The following CLSTN2 variants were observed in gnomAD, a reference collection of about 807,000 sequenced individuals.
The protein encoded by CLSTN2 is calsyntenin 2.
In CLSTN2, 48 loss-of-function variants were observed where a neutral mutation model predicts 101.2. The ratio of observed to expected loss-of-function variants is 0.47; its 90% CI spans 0.38 to 0.60. The LOEUF is 0.60. Among genes scored for constraint, CLSTN2 ranks in the 20% least tolerant of loss-of-function variants. The pLI is 0.00. For synonymous variants in CLSTN2, 481 were observed against 463.6 expected (o/e 1.04, Z -0.48); for missense variants, 1,160 against 1,238.2 (o/e 0.94, Z 0.95).
intron 2 of CLSTN2, among the ~76,000 whole-genome samples, chr3:140,342,913 G>T (rs1004567139): frequency 6.6e-6 from 1 of 152,148 alleles, no homozygotes; most frequent in African/African-American, 2.4e-5. Flanking sequence ...GGCCCCAAAG[G>T]CTAGTATCAC....
intron 2 of CLSTN2, among the ~76,000 whole-genome samples, chr3:140,291,832 C>T (rs1216952933): frequency 6.6e-6 from 1 of 151,970 alleles, no homozygotes; most frequent in Non-Finnish European, 1.5e-5. Context: ...TCAGAATCAG[C>T]CTTGATTCCT....
At chr3:139,974,365 C>T (rs943253970) in intron 1 of CLSTN2, among the ~76,000 whole-genome samples, 33 of 152,180 alleles carry the variant, frequency 2.2e-4, no homozygotes, top group African/African-American at 7.2e-4. Context: ...ATAAGAATCT[C>T]TCTCTGTACT....
intron 1 of CLSTN2, among the ~76,000 whole-genome samples, chr3:140,141,551 G>C (rs1339281037): frequency 1.3e-5 from 2 of 152,202 alleles, no homozygotes; most frequent in African/African-American, 2.4e-5. Context: ...TAGCAAGCCA[G>C]ACAACCCCTT....
intron 9 of CLSTN2, among the ~76,000 whole-genome samples, chr3:140,539,034 G>C (rs1316505904): frequency 1.3e-5 from 2 of 152,212 alleles, no homozygotes; most frequent in African/African-American, 4.8e-5. Flanking sequence ...TATTAATGCA[G>C]TTCTTCCCTA....
At chr3:140,352,242 C>A (rs1164925473) in intron 2 of CLSTN2, among the ~76,000 whole-genome samples, 1 of 152,140 alleles carries the variant, frequency 6.6e-6, no homozygotes, top group East Asian at 1.9e-4. Flanking sequence ...CAATCAAAGC[C>A]AAAGGGAGGT....
chr3:139,981,835 T>C (rs1287185422), intron 1 of CLSTN2, among the ~76,000 whole-genome samples: 2 of 152,214 alleles, frequency 1.3e-5, no homozygotes, highest in Non-Finnish European at 2.9e-5. Flanking sequence ...TGCTACAATG[T>C]AAGCAAATGA....
At chr3:140,384,919 G>A (rs1235851062) in intron 2 of CLSTN2, among the ~76,000 whole-genome samples, 1 of 152,202 alleles carries the variant, frequency 6.6e-6, no homozygotes, top group Non-Finnish European at 1.5e-5. Context: ...GTCAAGGAGT[G>A]GAAATATGGG....
chr3:140,139,701 T>C (rs866682660), intron 1 of CLSTN2, among the ~76,000 whole-genome samples: 7 of 152,332 alleles, frequency 4.6e-5, no homozygotes, highest in Middle Eastern at 3.4e-3. Flanking sequence ...ACTCTACCAG[T>C]GTATATTGAA....
At chr3:140,090,070 G>A (rs796958780) in intron 1 of CLSTN2, among the ~76,000 whole-genome samples, 27 of 148,252 alleles carry the variant, frequency 1.8e-4, no homozygotes, top group African/African-American at 6.5e-4. Flanking sequence ...TCTGTGTGGG[G>A]GAGAAATTTA....
intron 1 of CLSTN2, among the ~76,000 whole-genome samples, chr3:140,076,009 C>T (rs76029281): frequency 0.056 from 8,566 of 152,106 alleles, 279 homozygotes; most frequent in Middle Eastern, 0.075. Flanking sequence ...AACTATAGAC[C>T]CACTGTTGTA....
At chr3:140,139,841 T>C (rs137929626) in intron 1 of CLSTN2, among the ~76,000 whole-genome samples, 2 of 152,360 alleles carry the variant, frequency 1.3e-5, no homozygotes, top group Non-Finnish European at 2.9e-5. Flanking sequence ...TGTCCAGTGA[T>C]GTGTCCCAAA....
chr3:140,427,240 T>TATATATACATATATATAC (rs1559866804), intron 5 of CLSTN2, among the ~76,000 whole-genome samples: 1 of 123,276 alleles, frequency 8.1e-6, no homozygotes, highest in African/African-American at 3.5e-5. Flanking sequence ...TATATATATA[T>TATATATACATATATATAC]ATATACATAT....
intron 8 of CLSTN2, among the ~76,000 whole-genome samples, chr3:140,498,273 G>T (rs1934508484): frequency 6.6e-6 from 1 of 152,166 alleles, no homozygotes; most frequent in African/African-American, 2.4e-5. Flanking sequence ...TTTTCCAGGA[G>T]CATTCATTCC....
intron 1 of CLSTN2, among the ~76,000 whole-genome samples, chr3:140,133,178 G>A (rs1301201391): frequency 6.6e-6 from 1 of 152,148 alleles, no homozygotes; most frequent in South Asian, 2.1e-4. Context: ...GAGAGAGGGA[G>A]GGGTGCCAGG....
chr3:139,989,832 A>C (rs946497430), intron 1 of CLSTN2, among the ~76,000 whole-genome samples: 1 of 151,910 alleles, frequency 6.6e-6, no homozygotes, highest in Non-Finnish European at 1.5e-5. Context: ...CTTCTGAAAG[A>C]CTCTTCACAG....
intron 8 of CLSTN2, among the ~76,000 whole-genome samples, chr3:140,512,349 C>A (rs1489383785): frequency 1.3e-5 from 2 of 152,158 alleles, no homozygotes; most frequent in Non-Finnish European, 2.9e-5. Context: ...AGCCAGTTCT[C>A]CCAGCACGAT....
intron 1 of CLSTN2, among the ~76,000 whole-genome samples, chr3:140,055,953 T>A (rs746938354): frequency 6.6e-6 from 1 of 152,302 alleles, no homozygotes; most frequent in South Asian, 2.1e-4. Context: ...AAGTACACAA[T>A]GGCACTCATC....
intron 1 of CLSTN2, among the ~76,000 whole-genome samples, chr3:139,944,697 G>A (rs549325616): frequency 2.0e-5 from 3 of 152,346 alleles, no homozygotes; most frequent in South Asian, 2.1e-4. Flanking sequence ...GTGCTAGGGC[G>A]CTGCTGCCCA....
intron 8 of CLSTN2, among the ~76,000 whole-genome samples, chr3:140,526,504 C>T (rs1191639717): frequency 6.6e-6 from 1 of 151,560 alleles, no homozygotes; most frequent in South Asian, 2.1e-4. Flanking sequence ...GCAATTTATA[C>T]GTTAAATGCT....
Sources: gnomAD v4.1 joint callset for allele counts (sites outside exome capture counted in the v4.1 genomes callset) on GRCh38, gnomAD v4.1.1 for gene constraint, MANE v1.5 for transcripts, NCBI Gene and HGNC (gene_info 2026-07-23, HGNC 2026-07-21) for gene names.